The following FOXK1 variants were observed in gnomAD, a reference collection of about 807,000 sequenced individuals.
FOXK1 encodes forkhead box protein K1.
Under a neutral mutation model 51.9 loss-of-function variants are expected in FOXK1, and 19 were observed. The ratio of observed to expected loss-of-function variants is 0.37; its 90% CI spans 0.26 to 0.54. FOXK1 has a LOEUF of 0.54. Among genes scored for constraint, FOXK1 ranks in the 20% least tolerant of loss-of-function variants. The pLI, the probability that FOXK1 is intolerant of heterozygous loss-of-function variation, is 0.87. For missense variants in FOXK1, 870 were observed against 1,032.7 expected (o/e 0.84, Z 2.16); for synonymous variants, 537 against 482.6 (o/e 1.11, Z -1.48).
At chr7:4,750,266 T>A (rs1344510016) in intron 2 of FOXK1, among the ~76,000 whole-genome samples, 1 of 152,076 alleles carries the variant, frequency 6.6e-6, no homozygotes, top group Non-Finnish European at 1.5e-5. Flanking sequence ...CCTGGGCAGC[T>A]AGGGACTGGG....
Position 4,707,296 on chromosome 7 carries a change from T to G in FOXK1, c.560+24428T>G, listed in dbSNP as rs1323297384. 3.3e-5 allele frequency among the ~76,000 whole-genome samples: 5 copies of G among 152,178 alleles called. No individual in the cohort carries two copies. The highest frequency in any genetic ancestry group is 3.3e-4 in the Admixed American group (5 of 15,276). ...GTAAAGAGCAGGTCTGGCTCAGTGC[T>G]TATTTCAGGGAAAACTCTTGTGATG... is the stretch of plus-strand genomic sequence containing the variant. On this transcript the variant is annotated intron_variant, in intron 1 of 8. Transcript: ENST00000328914. The surrounding 1 kb of genome is among the most constrained non-coding windows in gnomAD (Gnocchi z 4.1).
rs577947768 is a variant in FOXK1, at chr7:4,683,098, T to A, written c.560+230T>A. 2.2e-3 allele frequency among the ~76,000 whole-genome samples: 315 copies of A among 144,132 alleles called. 3 individuals are homozygous for A. Among genetic ancestry groups the A allele is most frequent in the African/African-American group, 7.8e-3 (299 of 38,254 alleles). 94.6% of individuals were successfully genotyped at this position (144,132 alleles called of 152,430 possible). On this transcript the variant is annotated intron_variant, in intron 1 of 8. Coordinates refer to ENST00000328914, the MANE Select transcript of FOXK1 (RefSeq NM_001037165.2). This position sits in a 1 kb window ranked among gnomAD's most constrained non-coding sequence, Gnocchi z 4.5. The stretch of plus-strand genomic sequence containing the variant: ...GATCCTGGAGGCTCCAGCCTGAGGA[T>A]CTCCTCCACTTTCCCCGGTCTGGAT...
Position 4,759,497 on chromosome 7 carries a change from A to G in FOXK1, c.1598A>G (p.Asn533Ser), listed in dbSNP as rs1286456523. 3 of 1,578,522 alleles carry G rather than the reference A, an allele frequency of 1.9e-6. No homozygotes were observed. Among genetic ancestry groups the G allele is most frequent in the Admixed American group, 1.8e-5 (1 of 56,302 alleles). ...TMVRVVTTSA[N>S]SANGYILTSQ... ...GTCAGGGTGGTCACCACATCTGCCA[A>G]CTCGGCCAACGGATACATCCTCACC... is the stretch of plus-strand genomic sequence containing the variant. The change falls in exon 7 of 9, where the codon AAC becomes AGC. Residue 533 changes from asparagine (N) to serine (S), a missense_variant. Physicochemically the swap from Asn to Ser is conservative, Grantham distance 46 (BLOSUM62 1). This residue lies in a region of FOXK1 where 457 missense variants were observed against 510.8 expected (regional missense o/e 0.89). Coordinates refer to ENST00000328914, the MANE Select transcript of FOXK1 (RefSeq NM_001037165.2).
chr7:4,704,390 G>A (rs972527901), intron 1 of FOXK1, among the ~76,000 whole-genome samples: 2 of 147,266 alleles, frequency 1.4e-5, no homozygotes, highest in Non-Finnish European at 3.0e-5. Context: ...GGTGAAGATT[G>A]TAGTGAGCTG....
chr7:4,750,088 C>T (rs556703375), intron 2 of FOXK1, among the ~76,000 whole-genome samples: 4 of 152,356 alleles, frequency 2.6e-5, no homozygotes, highest in South Asian at 2.1e-4. Flanking sequence ...TCGCCTGAGG[C>T]GGAAATGTGA....
rs559555022 is a variant in FOXK1, at chr7:4,725,168, C to T, written c.561-15670C>T. Among the ~76,000 whole-genome samples the T allele has an allele frequency of 6.4e-3, 975 of 152,364 alleles. 10 individuals carry two copies. The highest frequency in any genetic ancestry group is 9.7e-3 in the Non-Finnish European group (659 of 68,042). On this transcript the variant is annotated intron_variant, in intron 1 of 8. Transcript: ENST00000328914. ...GTTCCTGCAGGCGCGCGTTCTCTCT[C>T]TGAATTTGTTTCATTTCACTGCGAG...
At chr7:4,719,749 T>TGG (rs1280841902) in intron 1 of FOXK1, among the ~76,000 whole-genome samples, 2 of 152,220 alleles carry the variant, frequency 1.3e-5, no homozygotes, top group African/African-American at 4.8e-5. Flanking sequence ...CTCAAGGTGC[T>TGG]GGGATTACAG....
chr7:4,754,899 A>G, intron 3 of FOXK1: 1 of 580,952 alleles, frequency 1.7e-6, no homozygotes, highest in Non-Finnish European at 3.1e-6. Context: ...CCGGCGTCAA[A>G]GCCTTCATAC....
Position 4,761,366 on chromosome 7 carries a change from C to A in FOXK1, c.1921+78C>A. On this transcript the variant is annotated intron_variant, in intron 8 of 8. Transcript: ENST00000328914. The surrounding 1 kb of genome is among the most constrained non-coding windows in gnomAD (Gnocchi z 6.2). ...GTAGTCAGTGCGGCATGAGAATGTT[C>A]TCCCAGTATCTCCCGATCCTCCACT... 1 of 1,307,874 alleles carries A rather than the reference C, an allele frequency of 7.6e-7. No homozygotes were observed. The highest frequency in any genetic ancestry group is 1.1e-6 in the Non-Finnish European group (1 of 941,114). 81.0% of individuals were successfully genotyped at this position (1,307,874 alleles called of 1,614,324 possible).
rs1358628617 is a variant in FOXK1 at position 4,768,776 on chromosome 7, TCTGA to T, written c.*6317_*6320del. The T allele has an allele frequency of 2.0e-5, 3 of 152,392 alleles. No individual in the cohort carries two copies. The highest frequency in any genetic ancestry group is 2.1e-4 in the South Asian group (1 of 4,824). 9.4% of individuals were successfully genotyped at this position (152,392 alleles called of 1,614,324 possible). On this transcript the variant is annotated 3_prime_UTR_variant, in exon 9 of 9. Transcript: ENST00000328914. ...GGGAGAGTGGTGAGGAGGATTCGTC[TCTGA>T]CTGATGAACCTCGCCGTGCCTGTCT... is the stretch of plus-strand genomic sequence containing the variant.
chr7:4,741,668 G>C (rs1180235691), intron 2 of FOXK1, among the ~76,000 whole-genome samples: 1 of 152,202 alleles, frequency 6.6e-6, no homozygotes, highest in African/African-American at 2.4e-5. Flanking sequence ...ACCAGGATTT[G>C]GTGAACTTTG....
intron 1 of FOXK1, among the ~76,000 whole-genome samples, chr7:4,696,603 C>T (rs1779955351): frequency 2.6e-5 from 4 of 152,222 alleles, no homozygotes; most frequent in Admixed American, 2.6e-4. Flanking sequence ...CCCTCGAGGG[C>T]AGGGGCTGGT....
rs774865997 is a variant in FOXK1 at position 4,730,621 on chromosome 7, T to A, written c.561-10217T>A. Among the ~76,000 whole-genome samples the A allele has an allele frequency of 2.0e-5, 3 of 152,174 alleles. No homozygotes were observed. Among genetic ancestry groups the A allele is most frequent in the Non-Finnish European group, 4.4e-5 (3 of 68,038 alleles). ...CCTTATTTTCCAAAGCCGCCACACT[T>A]GAGACGTCCTTGCTGCGGGTTCGTC... On this transcript the variant is annotated intron_variant, in intron 1 of 8. Transcript: ENST00000328914. The surrounding 1 kb of genome is among the most constrained non-coding windows in gnomAD (Gnocchi z 4.7).
At position 4,756,581 on chromosome 7, in the gene FOXK1, T is replaced by C. The variant is rs1041708054; in HGVS notation, c.1051-413T>C. 1.3e-5 allele frequency among the ~76,000 whole-genome samples: 2 copies of C among 150,774 alleles called. No homozygotes were observed. Among genetic ancestry groups the C allele is most frequent in the Non-Finnish European group, 3.0e-5 (2 of 67,648 alleles). On this transcript the variant is annotated intron_variant, in intron 4 of 8. Coordinates refer to ENST00000328914, the MANE Select transcript of FOXK1 (RefSeq NM_001037165.2). The surrounding 1 kb of genome is among the most constrained non-coding windows in gnomAD (Gnocchi z 4.1). ...TGGAAGGATTGGTTAAGCCCAAGAGTGTGAGACCCCATCTCAACTAAAAAT... is the reference window on the plus strand; with the variant it reads ...TGGAAGGATTGGTTAAGCCCAAGAGCGTGAGACCCCATCTCAACTAAAAAT...
Position 4,756,819 on chromosome 7 carries a change from A to G in FOXK1, c.1051-175A>G, listed in dbSNP as rs1583211655. Among the ~76,000 whole-genome samples the G allele has an allele frequency of 6.6e-6, 1 of 151,796 alleles. No individual in the cohort carries two copies. The highest frequency in any genetic ancestry group is 1.5e-5 in the Non-Finnish European group (1 of 67,978). ...GCGGTGTCAAATTTTGATAGGAATG[A>G]CCTGCCCTGTGCCTCGGTGCTGCTC... is the stretch of plus-strand genomic sequence containing the variant. On this transcript the variant is annotated intron_variant, in intron 4 of 8. Coordinates refer to ENST00000328914, the MANE Select transcript of FOXK1 (RefSeq NM_001037165.2). This position sits in a 1 kb window ranked among gnomAD's most constrained non-coding sequence, Gnocchi z 4.1.
At position 4,722,135 on chromosome 7, in the gene FOXK1, C is replaced by G; in HGVS notation, c.561-18703C>G. Among the ~76,000 whole-genome samples the G allele has an allele frequency of 6.6e-6, 1 of 152,152 alleles. No homozygotes were observed. The highest frequency in any genetic ancestry group is 1.9e-4 in the East Asian group (1 of 5,178). ...TTTGGTGGGGCCTTGGGCTCTTGGT[C>G]ACATCCTGCCCTGATTCAGAAGATG... On this transcript the variant is annotated intron_variant, in intron 1 of 8. Coordinates refer to ENST00000328914, the MANE Select transcript of FOXK1 (RefSeq NM_001037165.2). This position sits in a 1 kb window ranked among gnomAD's most constrained non-coding sequence, Gnocchi z 5.1.
intron 1 of FOXK1, among the ~76,000 whole-genome samples, chr7:4,705,548 T>G (rs560713334): frequency 7.5e-4 from 105 of 140,224 alleles, no homozygotes; most frequent in African/African-American, 3.0e-3. Context: ...TCTCTCTCTC[T>G]CTCTCTCTCT....
chr7:4,694,696 T>C (rs1253483549), intron 1 of FOXK1, among the ~76,000 whole-genome samples: 2 of 152,166 alleles, frequency 1.3e-5, no homozygotes, highest in African/African-American at 4.8e-5. Context: ...GCCAGCCTTG[T>C]CTGTAGGATG....
intron 1 of FOXK1, among the ~76,000 whole-genome samples, chr7:4,732,816 T>A (rs767312031): frequency 2.0e-5 from 3 of 152,206 alleles, no homozygotes; most frequent in Non-Finnish European, 4.4e-5. Flanking sequence ...GCCCTCCTCA[T>A]CCGGAGCCGC....
Sources: allele counts gnomAD v4.1 joint callset (sites outside exome capture counted in the v4.1 genomes callset), GRCh38; gene constraint gnomAD v4.1.1; regional missense constraint gnomAD v4.1.1; non-coding constraint Gnocchi (gnomAD v3.1); transcripts MANE v1.5; gene names NCBI Gene and HGNC (gene_info 2026-07-23, HGNC 2026-07-21).